XYLT1: variants seen among roughly 807,000 people sequenced by gnomAD.
XYLT1 encodes the protein xylosyltransferase 1, also known as beta-D-xylosyltransferase 1.
XYLT1 carries 36 observed loss-of-function variants against 91.3 expected under a neutral mutation model. That is an observed-to-expected ratio of 0.39 (90% CI 0.30 to 0.52). XYLT1 has a LOEUF of 0.52. Ranked by LOEUF, XYLT1 falls within the 20% of genes least tolerant of loss-of-function variation. XYLT1 has a pLI of 0.68. For missense variants in XYLT1, 1,242 were observed against 1,284.5 expected, an observed-to-expected ratio of 0.97 and a Z score of 0.51; for synonymous variants, 588 against 532.0, an observed-to-expected ratio of 1.11 and a Z score of -1.45.
At chr16:17,309,143 C>G (rs1054290251) in intron 2 of XYLT1, among the ~76,000 whole-genome samples, 1 of 152,156 alleles carries the variant, frequency 6.6e-6, no homozygotes, top group African/African-American at 2.4e-5. Flanking sequence ...GTTTCTCAAC[C>G]TTGACACTGC....
chr16:17,315,948 G>A (rs1596478220), intron 2 of XYLT1, among the ~76,000 whole-genome samples: 1 of 152,106 alleles, frequency 6.6e-6, no homozygotes. Flanking sequence ...ACATGAAGAT[G>A]ATCTGTAAAG....
At chr16:17,430,064 G>C (rs1488880790) in intron 1 of XYLT1, among the ~76,000 whole-genome samples, 1 of 151,074 alleles carries the variant, frequency 6.6e-6, no homozygotes, top group Non-Finnish European at 1.5e-5. Flanking sequence ...AGCCCCCCAA[G>C]TAGCTGGGAT....
chr16:17,409,700 C>T (rs2036083265), intron 1 of XYLT1, among the ~76,000 whole-genome samples: 1 of 151,914 alleles, frequency 6.6e-6, no homozygotes, highest in Admixed American at 6.6e-5. Flanking sequence ...CAGGTGCCCG[C>T]CACCACGTCC....
Position 17,344,310 on chromosome 16 carries a change from G to A in XYLT1, c.402+13702C>T, listed in dbSNP as rs182450798. ...ATCCTGGCTAACACGGTGAAACCCC[G>A]TCTCTACTAAAAAATACAAAAAAAA... On this transcript the variant is annotated intron_variant, in intron 2 of 11. Coordinates refer to ENST00000261381, the MANE Select transcript of XYLT1 (RefSeq NM_022166.4). 1.9e-3 allele frequency among the ~76,000 whole-genome samples: 280 copies of A among 148,818 alleles called. 6 individuals carry two copies. The East Asian group carries it at 0.045, about 24-fold the overall frequency.
chr16:17,379,793 A>ACACACACACACACACC (rs71373108), intron 1 of XYLT1, among the ~76,000 whole-genome samples: 43 of 142,414 alleles, frequency 3.0e-4, no homozygotes, highest in Non-Finnish European at 4.8e-4. Flanking sequence ...ACACACACAC[A>ACACACACACACACACC]CCCCTTACCT....
intron 1 of XYLT1, among the ~76,000 whole-genome samples, chr16:17,415,607 G>A (rs938009325): frequency 3.3e-5 from 5 of 152,074 alleles, no homozygotes; most frequent in African/African-American, 7.2e-5. Context: ...CAGGAGAACC[G>A]CTTGAGTCCG....
chr16:17,185,572 A>G (rs1252396892), intron 5 of XYLT1, among the ~76,000 whole-genome samples: 1 of 152,256 alleles, frequency 6.6e-6, no homozygotes, highest in Non-Finnish European at 1.5e-5. Context: ...TACTGAGGCT[A>G]ACATTTTCCA....
intron 10 of XYLT1, among the ~76,000 whole-genome samples, chr16:17,124,111 A>G (rs1487666452): frequency 6.6e-6 from 1 of 152,200 alleles, no homozygotes; most frequent in African/African-American, 2.4e-5. Context: ...TGAAGCTTTT[A>G]GGCCATTTAC....
At chr16:17,306,548 G>A (rs1168996902) in intron 2 of XYLT1, among the ~76,000 whole-genome samples, 3 of 132,624 alleles carry the variant, frequency 2.3e-5, no homozygotes, top group Admixed American at 7.7e-5. Context: ...GAGTGAGACT[G>A]TCACAAAAGA....
intron 2 of XYLT1, among the ~76,000 whole-genome samples, chr16:17,335,675 C>T (rs2034969247): frequency 7.2e-6 from 1 of 139,078 alleles, no homozygotes; most frequent in Non-Finnish European, 1.5e-5. Context: ...GCCTGGGCAA[C>T]GAGAGCAAAA....
chr16:17,258,869 G>C, intron 3 of XYLT1, 119 bp downstream of exon 3: 2 of 1,225,776 alleles, frequency 1.6e-6, no homozygotes, highest in Non-Finnish European at 2.1e-6. Flanking sequence ...TGCTCATCTG[G>C]GGTTTGGAAA....
At chr16:17,260,245 G>C (rs2033703189) in intron 2 of XYLT1, among the ~76,000 whole-genome samples, 1 of 152,068 alleles carries the variant, frequency 6.6e-6, no homozygotes, top group African/African-American at 2.4e-5. Flanking sequence ...CAGAAGGGCT[G>C]GACCCCAAAC....
In XYLT1 at chr16:17,138,542, G is replaced by C; in HGVS notation, c.1588-11C>G. The C allele has an allele frequency of 6.2e-7, 1 of 1,611,618 alleles. No individual in the cohort carries two copies. The highest frequency in any genetic ancestry group is 8.5e-7 in the Non-Finnish European group (1 of 1,177,978). Reference sequence around the variant, plus strand: ...CGTATGGAAGAAGGACTGCAGGGGAGAGAGGGACCCAGCCTGAGACCTCTC... The same window carrying C: ...CGTATGGAAGAAGGACTGCAGGGGACAGAGGGACCCAGCCTGAGACCTCTC... On this transcript the variant is annotated splice_polypyrimidine_tract_variant and intron_variant, in intron 7 of 11. Coordinates refer to ENST00000261381, the MANE Select transcript of XYLT1 (RefSeq NM_022166.4).
chr16:17,199,291 T>C (rs962866978), intron 4 of XYLT1, among the ~76,000 whole-genome samples: 4 of 152,168 alleles, frequency 2.6e-5, no homozygotes, highest in African/African-American at 9.7e-5. Flanking sequence ...AGGGACAAGG[T>C]AGCTCGGGAG....
At chr16:17,221,402 G>A (rs574347400) in intron 3 of XYLT1, among the ~76,000 whole-genome samples, 6 of 152,130 alleles carry the variant, frequency 3.9e-5, no homozygotes, top group African/African-American at 7.2e-5. Flanking sequence ...CCAGTTCATC[G>A]TCTCAAAACA....
At chr16:17,271,404 A>G (rs934675075) in intron 2 of XYLT1, among the ~76,000 whole-genome samples, 12 of 152,080 alleles carry the variant, frequency 7.9e-5, no homozygotes, top group Admixed American at 2.6e-4. Context: ...AGAAAGATAC[A>G]GAGAGAAAGA....
chr16:17,164,853 T>A (rs752745668), intron 5 of XYLT1, among the ~76,000 whole-genome samples: 12 of 152,220 alleles, frequency 7.9e-5, no homozygotes, highest in Non-Finnish European at 1.3e-4. Flanking sequence ...AGAGGTCAAC[T>A]GTCCTGGTTT....
At chr16:17,360,462 G>T (rs2035366240) in intron 1 of XYLT1, among the ~76,000 whole-genome samples, 1 of 152,190 alleles carries the variant, frequency 6.6e-6, no homozygotes, top group Admixed American at 6.5e-5. Flanking sequence ...AGGGATCCAA[G>T]ATTAAGAAGA....
chr16:17,130,979 C>T (rs140265979), intron 9 of XYLT1, among the ~76,000 whole-genome samples: 123 of 152,242 alleles, frequency 8.1e-4, no homozygotes, highest in African/African-American at 2.8e-3. Flanking sequence ...ATTTTTTGCA[C>T]AGCATTTACC....
Sources: allele counts gnomAD v4.1 joint callset (sites outside exome capture counted in the v4.1 genomes callset), GRCh38; gene constraint gnomAD v4.1.1; transcripts MANE v1.5; gene names NCBI Gene and HGNC (gene_info 2026-07-23, HGNC 2026-07-21).